Variants in PHF21B observed in about 807,000 individuals in gnomAD.
PHF21B encodes the protein PHD finger protein 4.
Under a neutral mutation model 62.2 loss-of-function variants are expected in PHF21B, and 22 were observed. The observed-to-expected ratio is 0.35, with a 90% CI of 0.25 to 0.51. The LOEUF is 0.51. Among genes scored for constraint, PHF21B ranks in the 20% least tolerant of loss-of-function variants. The pLI, the probability that PHF21B is intolerant of heterozygous loss-of-function variation, is 0.97. For missense variants in PHF21B, 701 were observed against 707.9 expected (o/e 0.99, Z 0.11); for synonymous variants, 341 against 314.7 (o/e 1.08, Z -0.88).
intron 2 of PHF21B, among the ~76,000 whole-genome samples, chr22:44,997,982 T>C (rs1369267018): frequency 6.6e-6 from 1 of 152,198 alleles, no homozygotes; most frequent in Non-Finnish European, 1.5e-5. Context: ...CCCTCAATTG[T>C]AGACTCTGAA....
At chr22:45,008,914 G>A (rs2073376412) in intron 1 of PHF21B, 5 of 1,150,730 alleles carry the variant, frequency 4.3e-6, no homozygotes, top group Non-Finnish European at 4.3e-6. Flanking sequence ...GAGTGTGAGT[G>A]TGAGTGTGTG....
intron 2 of PHF21B, among the ~76,000 whole-genome samples, chr22:44,928,563 CCAT>C (rs2071679072): frequency 6.6e-6 from 1 of 152,164 alleles, no homozygotes; most frequent in African/African-American, 2.4e-5. Flanking sequence ...GCGCCCACCA[CCAT>C]GTCTGGCTAA....
At chr22:45,007,317 C>A (rs985106500) in intron 2 of PHF21B, among the ~76,000 whole-genome samples, 1 of 151,938 alleles carries the variant, frequency 6.6e-6, no homozygotes, top group South Asian at 2.1e-4. Context: ...AATTCTCTCT[C>A]GCCAGGGTCA....
intron 2 of PHF21B, among the ~76,000 whole-genome samples, chr22:44,921,619 C>T (rs768487067): frequency 6.6e-6 from 1 of 151,896 alleles, no homozygotes; most frequent in Non-Finnish European, 1.5e-5. Flanking sequence ...CCCCCCGCCT[C>T]GGCCTCCCAA....
chr22:45,007,648 G>A (rs2073346470), intron 2 of PHF21B, among the ~76,000 whole-genome samples: 2 of 145,440 alleles, frequency 1.4e-5, no homozygotes, highest in African/African-American at 5.1e-5. Context: ...CACGCCATTG[G>A]CTGCGCCGCT....
intron 2 of PHF21B, among the ~76,000 whole-genome samples, chr22:44,970,063 G>C (rs1380063999): frequency 6.6e-6 from 1 of 152,240 alleles, no homozygotes; most frequent in African/African-American, 2.4e-5. Context: ...CTCCACGCTA[G>C]CACTGGCACT....
At chr22:44,934,760 C>T (rs193213195) in intron 2 of PHF21B, among the ~76,000 whole-genome samples, 218 of 152,306 alleles carry the variant, frequency 1.4e-3, no homozygotes, top group Middle Eastern at 3.4e-3. Flanking sequence ...GCTTCTGATT[C>T]GTCCAAAGTC....
chr22:45,008,839 GC>G (rs1200746428), intron 1 of PHF21B: 5 of 1,183,680 alleles, frequency 4.2e-6, no homozygotes, highest in African/African-American at 3.2e-5. Flanking sequence ...CGGGGCGGGG[GC>G]CGAGGCCACC....
rs560947972 is a variant in PHF21B at position 44,931,112 on chromosome 22, T to G, written c.121-10622A>C. Among the ~76,000 whole-genome samples, 5 of 152,308 alleles carry G rather than the reference T, an allele frequency of 3.3e-5. No individual in the cohort carries two copies. The South Asian group carries it at 8.3e-4, about 25-fold the overall frequency. ...CTCTGTTGCCCCAACTGCAGTGCAG[T>G]GGCGCAACCGTAGCTCACTGCAGCC... On this transcript the variant is annotated intron_variant, in intron 2 of 12. Coordinates refer to ENST00000313237, the MANE Select transcript of PHF21B (RefSeq NM_138415.5).
At chr22:44,915,571 C>A (rs2071417248) in intron 4 of PHF21B, among the ~76,000 whole-genome samples, 1 of 152,232 alleles carries the variant, frequency 6.6e-6, no homozygotes, top group South Asian at 2.1e-4. Flanking sequence ...AAGCACAGGA[C>A]TCCCGGGAAT....
intron 2 of PHF21B, among the ~76,000 whole-genome samples, chr22:44,925,780 G>C (rs955626589): frequency 3.9e-5 from 6 of 152,092 alleles, no homozygotes; most frequent in African/African-American, 1.4e-4. Flanking sequence ...TATGGGGATT[G>C]TCCTCCCCAT....
chr22:44,961,297 G>T (rs2072415269), intron 2 of PHF21B, among the ~76,000 whole-genome samples: 2 of 151,946 alleles, frequency 1.3e-5, no homozygotes, highest in Admixed American at 6.6e-5. Flanking sequence ...GATTCAGGGG[G>T]TACAGGTGCA....
At chr22:44,949,232 C>T (rs960888333) in intron 2 of PHF21B, among the ~76,000 whole-genome samples, 3 of 139,790 alleles carry the variant, frequency 2.1e-5, no homozygotes, top group Admixed American at 8.0e-5. Flanking sequence ...ACCTGGGAGG[C>T]GGAGGTTGCG....
chr22:44,984,829 C>A (rs1232186527), intron 2 of PHF21B, among the ~76,000 whole-genome samples: 4 of 152,218 alleles, frequency 2.6e-5, no homozygotes, highest in Non-Finnish European at 5.9e-5. Flanking sequence ...GTGGCCAACA[C>A]AACTACAAGC....
At chr22:44,992,869 G>A (rs898424843) in intron 2 of PHF21B, among the ~76,000 whole-genome samples, 8 of 152,176 alleles carry the variant, frequency 5.3e-5, no homozygotes, top group African/African-American at 1.2e-4. Context: ...GCTCTCCCTG[G>A]TTTTCTTCAT....
At chr22:44,890,609 G>A (rs573105657) in intron 8 of PHF21B, among the ~76,000 whole-genome samples, 75 of 152,360 alleles carry the variant, frequency 4.9e-4, no homozygotes, top group African/African-American at 1.5e-3. Context: ...CAAGCTGGTC[G>A]TCATTTCCTG....
chr22:44,968,444 G>C (rs569879817), intron 2 of PHF21B, among the ~76,000 whole-genome samples: 150 of 152,214 alleles, frequency 9.9e-4, no homozygotes, highest in African/African-American at 3.5e-3. Context: ...AGGAGTTCGA[G>C]ACCAGCCTGG....
chr22:44,912,504 TA>T lies in PHF21B; in HGVS notation c.831+1317del, dbSNP rs1442458847. ...TAGGTCTCACAAGATCTGATGTGTT[TA>T]AAAAACGGGAGCTTCCCTACACAAG... is the stretch of plus-strand genomic sequence containing the variant. On this transcript the variant is annotated intron_variant, in intron 5 of 12. Transcript: ENST00000313237. Among the ~76,000 whole-genome samples, 3 of 151,828 alleles carry T rather than the reference TA, an allele frequency of 2.0e-5. No individual in the cohort carries two copies. The East Asian group carries it at 5.8e-4, about 29-fold the overall frequency.
At chr22:44,883,527 T>C (rs1287055646) in intron 12 of PHF21B, among the ~76,000 whole-genome samples, 1 of 152,162 alleles carries the variant, frequency 6.6e-6, no homozygotes, top group Non-Finnish European at 1.5e-5. Context: ...AAAGTGTGGC[T>C]CTGCCTGGGA....
Sources: allele counts gnomAD v4.1 joint callset (sites outside exome capture counted in the v4.1 genomes callset), GRCh38; gene constraint gnomAD v4.1.1; transcripts MANE v1.5; gene names NCBI Gene and HGNC (gene_info 2026-07-23, HGNC 2026-07-21).